The following MUC20 variants were observed in gnomAD, a reference collection of about 807,000 sequenced individuals.
MUC20 encodes mucin 20, cell surface associated.
In MUC20, 14 loss-of-function variants were observed where a neutral mutation model predicts 23.8. The ratio of observed to expected loss-of-function variants is 0.59; its 90% CI spans 0.39 to 0.92. MUC20 has a LOEUF of 0.92. Ranked by LOEUF, MUC20 falls within the 40% of genes least tolerant of loss-of-function variation. The pLI, the probability that MUC20 is intolerant of heterozygous loss-of-function variation, is 0.00. For missense variants in MUC20, 375 were observed against 668.8 expected (o/e 0.56, Z 4.85); for synonymous variants, 166 against 279.3 (o/e 0.59, Z 4.04).
rs2688542 is a variant in MUC20, at chr3:195,726,080, G to A, written c.1477G>A (p.Asp493Asn). The A allele has an allele frequency of 6.3e-7, 1 of 1,584,362 alleles. No individual in the cohort carries two copies. Among genetic ancestry groups the A allele is most frequent in the South Asian group, 1.1e-5 (1 of 90,048 alleles). ...TAGTTESAAP[D>N]ATVGTPLPTN... ...CGGCACCACAGAGTCAGCTGCACCT[G>A]ATGCCACGGTTGGGACCCCACTCCC... Residue 493 changes from aspartate to asparagine, a missense_variant, in exon 2 of 4, where the codon GAT (aspartate) becomes AAT (asparagine). Physicochemically the swap from Asp to Asn is conservative, Grantham distance 23. Around this residue, in one of 4 missense-constraint regions of MUC20, gnomAD observed 343 missense variants for 340.2 expected, o/e 1.01. Transcript: ENST00000447234.
chr3:195,729,789 G>C, intron 3 of MUC20, 50 bp downstream of exon 3: 1 of 1,507,264 alleles, frequency 6.6e-7, no homozygotes, highest in Non-Finnish European at 9.0e-7. Flanking sequence ...GGCGAGGTTC[G>C]CAGGGGCTGC....
rs376509416 is a variant in MUC20 at position 195,726,534 on chromosome 3, C to T, written c.1931C>T (p.Thr644Met). ...TTMKPPTATPTTARTRPTTDV... is the reference protein window; with the variant it reads ...TTMKPPTATPMTARTRPTTDV... Reference sequence around the variant, plus strand: ...ATGAAGCCCCCAACAGCCACGCCCACGACTGCCCGGACGAGGCCGACCACA... The same window carrying T: ...ATGAAGCCCCCAACAGCCACGCCCATGACTGCCCGGACGAGGCCGACCACA... The change falls in exon 2 of 4, where the codon ACG (threonine) becomes ATG (methionine). Residue 644 changes from threonine (T) to methionine (M), a missense_variant. Coordinates refer to ENST00000447234, the MANE Select transcript of MUC20 (RefSeq NM_001282506.2). The T allele has an allele frequency of 5.1e-5, 82 of 1,613,898 alleles. No homozygotes were observed. Among genetic ancestry groups the T allele is most frequent in the Non-Finnish European group, 5.6e-5 (66 of 1,179,858 alleles).
Position 195,726,488 on chromosome 3 carries a change from A to G in MUC20, c.1885A>G (p.Thr629Ala), listed in dbSNP as rs770520138. The G allele has an allele frequency of 5.6e-6, 9 of 1,613,942 alleles. No individual in the cohort carries two copies. Among genetic ancestry groups the G allele is most frequent in the African/African-American group, 4.0e-5 (3 of 74,950 alleles). Residue 629 changes from threonine to alanine, a missense_variant, in exon 2 of 4, where the codon ACA becomes GCA. Thr to Ala is a moderately conservative substitution (Grantham distance 58). Coordinates refer to ENST00000447234, the MANE Select transcript of MUC20 (RefSeq NM_001282506.2). ...GACGAACAGCACCTTAGCCAAGATC[A>G]CAACCTCAGCGAAGACCACGATGAA... ...RGTNSTLAKITTSAKTTMKPP... is the reference protein window; with the variant it reads ...RGTNSTLAKIATSAKTTMKPP...
chr3:195,732,423 G>A (rs1345080436), intron 3 of MUC20, among the ~76,000 whole-genome samples: 2 of 151,784 alleles, frequency 1.3e-5, no homozygotes, highest in Admixed American at 6.6e-5. Context: ...GCAATGGCAC[G>A]ATCTCGGCTC....
At chr3:195,722,955 T>C (rs6805202) in intron 1 of MUC20, 11,220 of 126,256 alleles carry the variant, frequency 0.089, 283 homozygotes, top group East Asian at 0.17. Context: ...TCCAGTGGCC[T>C]GGGAGAGGAC....
chr3:195,730,560 C>T (rs1713286063), intron 3 of MUC20, among the ~76,000 whole-genome samples: 1 of 152,070 alleles, frequency 6.6e-6, no homozygotes, highest in Admixed American at 6.6e-5. Flanking sequence ...CCGTGTTAGC[C>T]AGAATAGTCT....
At chr3:195,723,506 C>A (rs1268310327) in intron 1 of MUC20, among the ~76,000 whole-genome samples, 6 of 116,690 alleles carry the variant, frequency 5.1e-5, no homozygotes, top group African/African-American at 2.3e-4. Context: ...AAACACAGGG[C>A]ATCCAGTTAC....
intron 3 of MUC20, among the ~76,000 whole-genome samples, chr3:195,731,838 G>T (rs1394039536): frequency 9.8e-4 from 150 of 152,372 alleles, no homozygotes; most frequent in African/African-American, 3.2e-3. Context: ...GAGGCCAATC[G>T]TGACTCCCAC....
intron 3 of MUC20, 84 bp from the exon 4 acceptor site, chr3:195,733,066 C>T (rs1713560786): frequency 6.9e-7 from 1 of 1,439,538 alleles, no homozygotes; most frequent in African/African-American, 1.4e-5. Context: ...TGCACTCTGC[C>T]CCAGTGTCCC....
intron 3 of MUC20, chr3:195,730,119 A>AG (rs1713222751): frequency 5.3e-6 from 1 of 189,400 alleles, no homozygotes; most frequent in Admixed American, 5.8e-5. Flanking sequence ...AAAAAAAAAA[A>AG]AAAGGCAAGG....
intron 1 of MUC20, chr3:195,722,188 G>A (rs1467338894): frequency 1.5e-5 from 7 of 481,284 alleles, no homozygotes; most frequent in African/African-American, 2.2e-5. Context: ...TCCTCACAAC[G>A]GCCCTGCAAG....
intron 3 of MUC20, chr3:195,730,099 C>CAAAAAAAAAAAAAA (rs4036961): frequency 1.1e-5 from 1 of 92,994 alleles, no homozygotes; most frequent in Non-Finnish European, 2.1e-5. Context: ...GCAGTTTATG[C>CAAAAAAAAAAAAAA]AAAAAAAAAA....
At chr3:195,727,903 G>A (rs111292966) in intron 2 of MUC20, among the ~76,000 whole-genome samples, 14 of 139,202 alleles carry the variant, frequency 1.0e-4, no homozygotes, top group Non-Finnish European at 1.6e-4. Context: ...GCCAGGCAGT[G>A]TACCACCGGC....
At chr3:195,730,099 CAAAA>C (rs4036961) in intron 3 of MUC20, 154 of 93,116 alleles carry the variant, frequency 1.7e-3, no homozygotes, top group Middle Eastern at 6.5e-3. Context: ...GCAGTTTATG[CAAAA>C]AAAAAAAAAA....
Position 195,726,274 on chromosome 3 carries a change from G to A in MUC20, c.1671G>A (p.Gly557=), listed in dbSNP as rs1371762110. 6.2e-7 allele frequency: 1 copy of A among 1,614,050 alleles called. No individual in the cohort carries two copies. The highest frequency in any genetic ancestry group is 8.5e-7 in the Non-Finnish European group (1 of 1,179,888). The part of the protein sequence containing the change: ...SGAAPVSIEA[G]SAVGKTTSFA... ...CAGCTCCGGTCTCCATAGAGGCTGG[G>A]TCAGCAGTGGGCAAAACAACTTCCT... The change falls in exon 2 of 4, where the codon GGG becomes GGA. Residue 557 remains glycine, a synonymous_variant. Coordinates refer to ENST00000447234, the MANE Select transcript of MUC20 (RefSeq NM_001282506.2).
Position 195,726,514 on chromosome 3 carries a change from G to A in MUC20, c.1911G>A (p.Lys637=), listed in dbSNP as rs201341084. ...CAACCTCAGCGAAGACCACGATGAA[G>A]CCCCCAACAGCCACGCCCACGACTG... is the stretch of plus-strand genomic sequence containing the variant. ...KITTSAKTTM[K]PPTATPTTAR... Residue 637 remains lysine, a synonymous_variant, in exon 2 of 4, where the codon AAG becomes AAA. Transcript: ENST00000447234. The A allele has an allele frequency of 0.012, 19,858 of 1,612,704 alleles. 39 individuals are homozygous for A. Among genetic ancestry groups the A allele is most frequent in the Non-Finnish European group, 0.014 (17,044 of 1,178,850 alleles).
chr3:195,727,517 C>T (rs979096654), intron 2 of MUC20, among the ~76,000 whole-genome samples: 25 of 152,282 alleles, frequency 1.6e-4, no homozygotes, highest in African/African-American at 5.3e-4. Context: ...AGCCTGTAGC[C>T]TCCACCTCCA....
intron 2 of MUC20, 43 bp downstream of exon 2, chr3:195,726,615 G>A: frequency 1.3e-6 from 2 of 1,575,776 alleles, no homozygotes; most frequent in Non-Finnish European, 1.7e-6. Flanking sequence ...TTGGGATGCG[G>A]AGTTTCCAGG....
intron 1 of MUC20, chr3:195,724,241 T>G: frequency 1.2e-5 from 1 of 86,084 alleles, no homozygotes; most frequent in Non-Finnish European, 2.3e-5. Flanking sequence ...TTTCTCGTCT[T>G]TTAAGGGTTT....
Sources: allele counts gnomAD v4.1 joint callset (sites outside exome capture counted in the v4.1 genomes callset), GRCh38; gene constraint gnomAD v4.1.1; regional missense constraint gnomAD v4.1.1; transcripts MANE v1.5; gene names NCBI Gene and HGNC (gene_info 2026-07-23, HGNC 2026-07-21).